RHOD: variants seen among roughly 807,000 people sequenced by gnomAD.
RHOD encodes rho-related GTP-binding protein RhoD.
In RHOD, 11 loss-of-function variants were observed where a neutral mutation model predicts 16.7. The observed-to-expected ratio is 0.66, with a 90% CI of 0.41 to 1.09. The LOEUF is 1.09. Ranked by LOEUF, RHOD falls within the 50% of genes least tolerant of loss-of-function variation. The pLI is 0.00. For missense variants in RHOD, 271 were observed against 291.7 expected (o/e 0.93, Z 0.52); for synonymous variants, 124 against 126.3 (o/e 0.98, Z 0.12).
intron 1 of RHOD, among the ~76,000 whole-genome samples, chr11:67,060,328 A>G (rs1490333073): frequency 6.6e-6 from 1 of 152,252 alleles, no homozygotes; most frequent in African/African-American, 2.4e-5. Flanking sequence ...GTCCTGGTCC[A>G]GCACAGGCCC....
In RHOD at chr11:67,057,041, G is replaced by T; in HGVS notation, c.132+7G>T. Reference sequence around the variant, plus strand: ...CGATGGGGCCTTCCCCGAGGTGAGTGCCCCGCGCCTCCGCCTCGCCCGGTT... The same window carrying T: ...CGATGGGGCCTTCCCCGAGGTGAGTTCCCCGCGCCTCCGCCTCGCCCGGTT... On this transcript the variant is annotated splice_region_variant and intron_variant, in intron 1 of 4. Transcript: ENST00000308831. The T allele has an allele frequency of 6.9e-7, 1 of 1,456,810 alleles. No individual in the cohort carries two copies. The highest frequency in any genetic ancestry group is 2.9e-5 in the East Asian group (1 of 34,518). The allele number at this position is 1,456,810 out of a possible 1,614,324, so 90.2% of individuals were successfully genotyped here.
intron 1 of RHOD, 47 bp from the exon 2 acceptor site, chr11:67,065,849 C>T: frequency 7.6e-7 from 1 of 1,323,746 alleles, no homozygotes; most frequent in Non-Finnish European, 1.1e-6. Flanking sequence ...GTCCCCAGTG[C>T]CTCTCCGAAG....
chr11:67,069,317 T>C (rs916968813), intron 3 of RHOD, among the ~76,000 whole-genome samples: 1 of 152,162 alleles, frequency 6.6e-6, no homozygotes, highest in Non-Finnish European at 1.5e-5. Flanking sequence ...AGGCAAGCAG[T>C]TGAGGCAGAC....
At chr11:67,068,786 G>A (rs959802009) in intron 3 of RHOD, among the ~76,000 whole-genome samples, 30 of 151,890 alleles carry the variant, frequency 2.0e-4, no homozygotes, top group African/African-American at 6.8e-4. Flanking sequence ...CAGTCTGGGC[G>A]ACAGAGCGGG....
Position 67,071,656 on chromosome 11 carries a change from T to TG in RHOD, c.*55dup. ...AAGGGGCAGGGCGCTGACCTGCTGC[T>TG]GAGCTGGCTGGGCTGGACCCGGTCC... On this transcript the variant is annotated 3_prime_UTR_variant, in exon 5 of 5. Transcript: ENST00000308831. The TG allele has an allele frequency of 6.7e-7, 1 of 1,491,512 alleles. No homozygotes were observed. Among genetic ancestry groups the TG allele is most frequent in the Non-Finnish European group, 9.0e-7 (1 of 1,112,984 alleles). The allele number at this position is 1,491,512 out of a possible 1,614,324, so 92.4% of individuals were successfully genotyped here.
chr11:67,060,634 T>C (rs1036294503), intron 1 of RHOD, among the ~76,000 whole-genome samples: 1 of 152,244 alleles, frequency 6.6e-6, no homozygotes, highest in African/African-American at 2.4e-5. Flanking sequence ...ACTAGCCAGC[T>C]GTTCAGTGTG....
chr11:67,071,607 C>T lies in RHOD; in HGVS notation c.*5C>T, dbSNP rs887838063. ...GGCTTTTGCGTGGTGACCTGAGCGGCTCGGGGCGTCCCAGCGACGCGGGAA... is the reference window on the plus strand; with the variant it reads ...GGCTTTTGCGTGGTGACCTGAGCGGTTCGGGGCGTCCCAGCGACGCGGGAA... On this transcript the variant is annotated 3_prime_UTR_variant, in exon 5 of 5. Coordinates refer to ENST00000308831, the MANE Select transcript of RHOD (RefSeq NM_014578.4). The T allele has an allele frequency of 1.9e-6, 3 of 1,587,282 alleles. No homozygotes were observed. Among genetic ancestry groups the T allele is most frequent in the Middle Eastern group, 1.7e-4 (1 of 5,912 alleles).
chr11:67,057,153 G>A, intron 1 of RHOD, 119 bp downstream of exon 1: 3 of 1,227,624 alleles, frequency 2.4e-6, no homozygotes, highest in East Asian at 3.2e-5. Flanking sequence ...TCCCAGCGGG[G>A]CCTGGGGTCC....
chr11:67,064,128 C>T (rs1366401216), intron 1 of RHOD, among the ~76,000 whole-genome samples: 112 of 131,452 alleles, frequency 8.5e-4, no homozygotes, highest in African/African-American at 3.0e-3. Flanking sequence ...AAAAAAAGGC[C>T]GGGCGCGGTG....
intron 1 of RHOD, among the ~76,000 whole-genome samples, chr11:67,059,996 G>T (rs981071132): frequency 2.0e-5 from 3 of 152,250 alleles, no homozygotes; most frequent in African/African-American, 7.2e-5. Context: ...GCAAGGTGGA[G>T]AGAGCTCCTA....
chr11:67,061,430 C>T (rs1854885437), intron 1 of RHOD, among the ~76,000 whole-genome samples: 1 of 151,976 alleles, frequency 6.6e-6, no homozygotes, highest in African/African-American at 2.4e-5. Flanking sequence ...GTCGGAAGTT[C>T]GAGACCAGCC....
At chr11:67,059,057 GA>G (rs1297292368) in intron 1 of RHOD, among the ~76,000 whole-genome samples, 1 of 152,190 alleles carries the variant, frequency 6.6e-6, no homozygotes, top group African/African-American at 2.4e-5. Context: ...CCCAACTTCA[GA>G]GGAGTTATGA....
At chr11:67,059,295 T>C (rs1444564048) in intron 1 of RHOD, among the ~76,000 whole-genome samples, 2 of 152,086 alleles carry the variant, frequency 1.3e-5, no homozygotes, top group African/African-American at 4.8e-5. Context: ...ATCCCAGCTC[T>C]CTGGGAGGCC....
chr11:67,059,070 G>T (rs773216733), intron 1 of RHOD, among the ~76,000 whole-genome samples: 1 of 152,156 alleles, frequency 6.6e-6, no homozygotes, highest in Non-Finnish European at 1.5e-5. Flanking sequence ...GAGTTATGAC[G>T]TGGAAATGGG....
intron 4 of RHOD, 27 bp downstream of exon 4, chr11:67,070,586 T>C (rs1323661945): frequency 6.2e-7 from 1 of 1,610,302 alleles, no homozygotes; most frequent in Non-Finnish European, 8.5e-7. Flanking sequence ...GAGGTGGGAG[T>C]TGGGGAGGAC....
intron 1 of RHOD, among the ~76,000 whole-genome samples, chr11:67,060,220 C>T (rs776397478): frequency 8.5e-5 from 13 of 152,222 alleles, no homozygotes; most frequent in Admixed American, 3.3e-4. Context: ...ACCAGGGATG[C>T]CCCGACACTC....
chr11:67,065,342 G>A (rs1854945313), intron 1 of RHOD, among the ~76,000 whole-genome samples: 1 of 152,144 alleles, frequency 6.6e-6, no homozygotes, highest in Non-Finnish European at 1.5e-5. Context: ...CCAAAGTGCT[G>A]GGATTACAGG....
Position 67,056,934 on chromosome 11 carries a change from C to G in RHOD, c.32C>G (p.Ala11Gly), listed in dbSNP as rs1456425991. ...GCGGCCCAGGCCGCGGGTGAGGAGG[C>G]GCCACCAGGCGTGCGGTCCGTCAAG... MTAAQAAGEE[A>G]PPGVRSVKVV... The change falls in exon 1 of 5, where the codon GCG becomes GGG. Residue 11 changes from alanine to glycine, a missense_variant. Physicochemically the swap from Ala to Gly is moderately conservative, Grantham distance 60. Transcript: ENST00000308831. 2.7e-6 allele frequency: 4 copies of G among 1,478,664 alleles called. No individual in the cohort carries two copies. In the Admixed American group the frequency reaches 9.9e-5, roughly 37 times the overall value. 91.6% of individuals were successfully genotyped at this position (1,478,664 alleles called of 1,614,324 possible).
chr11:67,063,111 G>T (rs1346891074), intron 1 of RHOD, among the ~76,000 whole-genome samples: 1 of 152,152 alleles, frequency 6.6e-6, no homozygotes, highest in African/African-American at 2.4e-5. Context: ...GGGGCACTGG[G>T]CTGGGCGTGG....
Sources: gnomAD v4.1 joint callset for allele counts (sites outside exome capture counted in the v4.1 genomes callset) on GRCh38, gnomAD v4.1.1 for gene constraint, MANE v1.5 for transcripts, NCBI Gene and HGNC (gene_info 2026-07-23, HGNC 2026-07-21) for gene names.